Variants in HPSE2 observed in about 807,000 individuals in gnomAD.
HPSE2 encodes the protein heparanase 2 (inactive).
HPSE2 carries 38 observed loss-of-function variants against 60.5 expected under a neutral mutation model. The ratio of observed to expected loss-of-function variants is 0.63; its 90% CI spans 0.48 to 0.82. HPSE2 has a LOEUF of 0.82. Ranked by LOEUF, HPSE2 falls within the 40% of genes least tolerant of loss-of-function variation. The pLI, the probability that HPSE2 is intolerant of heterozygous loss-of-function variation, is 0.00. For synonymous variants in HPSE2, 295 were observed against 293.2 expected (o/e 1.01, Z -0.06); for missense variants, 713 against 740.4 (o/e 0.96, Z 0.43).
At chr10:98,818,697 T>C (rs1951349092) in intron 3 of HPSE2, among the ~76,000 whole-genome samples, 1 of 152,186 alleles carries the variant, frequency 6.6e-6, no homozygotes, top group East Asian at 1.9e-4. Context: ...GATCCAGGCC[T>C]GCACCCAAAA....
chr10:98,662,556 G>T (rs1947253089), intron 6 of HPSE2, among the ~76,000 whole-genome samples: 1 of 152,204 alleles, frequency 6.6e-6, no homozygotes. Context: ...ATAGTTGAGA[G>T]TGAAGGATGG....
At chr10:99,045,966 G>T (rs1957845846) in intron 3 of HPSE2, among the ~76,000 whole-genome samples, 2 of 152,150 alleles carry the variant, frequency 1.3e-5, no homozygotes, top group South Asian at 4.2e-4. Flanking sequence ...AAGAGGAGAG[G>T]CTCCTCCCTA....
chr10:98,834,713 T>A (rs530497390), intron 3 of HPSE2, among the ~76,000 whole-genome samples: 9 of 152,164 alleles, frequency 5.9e-5, no homozygotes, highest in African/African-American at 2.2e-4. Flanking sequence ...TCCAGCTACA[T>A]ATCTGTATGA....
chr10:98,542,008 A>C (rs1943483775), intron 9 of HPSE2, among the ~76,000 whole-genome samples: 1 of 109,422 alleles, frequency 9.1e-6, no homozygotes, highest in Middle Eastern at 3.9e-3. Context: ...GAACGGGCAG[A>C]CTGCCTCCTC....
chr10:98,731,237 C>T (rs912890169), intron 4 of HPSE2, among the ~76,000 whole-genome samples: 1 of 152,136 alleles, frequency 6.6e-6, no homozygotes, highest in Non-Finnish European at 1.5e-5. Context: ...CGAGATTGTG[C>T]CACTGCACTC....
chr10:98,589,812 C>G (rs1028860548), intron 9 of HPSE2, among the ~76,000 whole-genome samples: 8 of 152,226 alleles, frequency 5.3e-5, no homozygotes, highest in African/African-American at 1.9e-4. Flanking sequence ...TAAGACTCCA[C>G]TTTTGTCCTC....
intron 2 of HPSE2, among the ~76,000 whole-genome samples, chr10:99,171,660 G>C (rs1847314591): frequency 6.6e-6 from 1 of 152,184 alleles, no homozygotes; most frequent in Admixed American, 6.5e-5. Flanking sequence ...GTAATAATCA[G>C]AGATGGCAAT....
chr10:98,951,306 T>G (rs1955350415), intron 3 of HPSE2, among the ~76,000 whole-genome samples: 1 of 152,174 alleles, frequency 6.6e-6, no homozygotes, highest in Admixed American at 6.5e-5. Context: ...CCCTGATCAT[T>G]CTTACAGAGC....
chr10:98,574,851 C>G (rs1944599446), intron 9 of HPSE2, among the ~76,000 whole-genome samples: 1 of 152,124 alleles, frequency 6.6e-6, no homozygotes, highest in African/African-American at 2.4e-5. Context: ...TATCCAGGAC[C>G]CTGTGTATCT....
the HPSE2 span, among the ~76,000 whole-genome samples, chr10:99,262,401 G>A: frequency 6.6e-6 from 1 of 152,014 alleles, no homozygotes; most frequent in Non-Finnish European, 1.5e-5. Context: ...CTGGACTACA[G>A]CCACACCTCA....
chr10:99,167,530 T>C (rs997421031), intron 2 of HPSE2, among the ~76,000 whole-genome samples: 24 of 152,368 alleles, frequency 1.6e-4, no homozygotes, highest in African/African-American at 5.8e-4. Flanking sequence ...CTCTCCTTTT[T>C]GCACTGAGTT....
At chr10:98,470,102 G>GGTGTGTGTGTGTGTGTGTGT (rs55762346) in intron 11 of HPSE2, among the ~76,000 whole-genome samples, 47 of 150,372 alleles carry the variant, frequency 3.1e-4, no homozygotes, top group African/African-American at 1.0e-3. Context: ...TAGGAAGGCA[G>GGTGTGTGTGTGTGTGTGTGT]GTGTGTGTGT....
At chr10:99,104,143 T>C (rs938595862) in intron 3 of HPSE2, among the ~76,000 whole-genome samples, 4 of 152,134 alleles carry the variant, frequency 2.6e-5, no homozygotes, top group Admixed American at 6.6e-5. Flanking sequence ...TGGGATCTAA[T>C]TAAACTCAAG....
chr10:99,079,103 T>C (rs890240985), intron 3 of HPSE2, among the ~76,000 whole-genome samples: 14 of 152,112 alleles, frequency 9.2e-5, no homozygotes, highest in African/African-American at 3.4e-4. Flanking sequence ...AAAGCGGCTA[T>C]GAGAGTGTGC....
At chr10:99,261,134 T>G in the HPSE2 span, among the ~76,000 whole-genome samples, 1 of 152,170 alleles carries the variant, frequency 6.6e-6, no homozygotes, top group East Asian at 1.9e-4. Flanking sequence ...CTGCTCCCAA[T>G]GCAATTCATC....
chr10:98,920,327 C>T lies in HPSE2; in HGVS notation c.611-176271G>A, dbSNP rs1404404044. Among the ~76,000 whole-genome samples the T allele has an allele frequency of 2.0e-5, 3 of 152,250 alleles. No individual in the cohort carries two copies. In the East Asian group the frequency reaches 5.8e-4, roughly 29 times the overall value. On this transcript the variant is annotated intron_variant, in intron 3 of 11. Transcript: ENST00000370552. ...GCTCCTTTCATAGATATCAGACCTG[C>T]ATCACTGGCTGAAGGCTCTCCCTGC...
rs138184107 is a variant in HPSE2 at position 98,697,310 on chromosome 10, T to C, written c.957-3363A>G. ...ACCATAAGCAGTTTCGAGAGGAACA[T>C]AAATAACTTGAAGGAGCTGAAAAAC... is the stretch of plus-strand genomic sequence containing the variant. On this transcript the variant is annotated intron_variant, in intron 5 of 11. Transcript: ENST00000370552. Among the ~76,000 whole-genome samples, 48 of 152,254 alleles carry C rather than the reference T, an allele frequency of 3.2e-4. No individual in the cohort carries two copies. The East Asian group carries it at 3.9e-3, about 12-fold the overall frequency.
chr10:99,020,784 T>C (rs1209278465), intron 3 of HPSE2, among the ~76,000 whole-genome samples: 3 of 152,078 alleles, frequency 2.0e-5, no homozygotes, highest in Non-Finnish European at 2.9e-5. Flanking sequence ...GAAAAAGAGA[T>C]GTACCTGGGG....
the HPSE2 span, among the ~76,000 whole-genome samples, chr10:99,297,957 T>G: frequency 3.3e-5 from 5 of 152,208 alleles, no homozygotes; most frequent in Admixed American, 3.3e-4. Context: ...GAAGTATTAT[T>G]TTCTTAATTG....
Sources: gnomAD v4.1 joint callset for allele counts (sites outside exome capture counted in the v4.1 genomes callset) on GRCh38, gnomAD v4.1.1 for gene constraint, MANE v1.5 for transcripts, NCBI Gene and HGNC (gene_info 2026-07-23, HGNC 2026-07-21) for gene names.